Variants in CNTN5 observed in about 807,000 individuals in gnomAD.
The protein encoded by CNTN5 is contactin 5, also known as contactin-5.
In CNTN5, 77 loss-of-function variants were observed where a neutral mutation model predicts 129.1. That is an observed-to-expected ratio of 0.60 (90% CI 0.50 to 0.72). CNTN5 has a LOEUF of 0.72. CNTN5 is among the 30% of genes least tolerant of loss of function. The probability of loss-of-function intolerance (pLI) is 0.00; values close to 1 mark genes in which losing one functional copy is unlikely to be tolerated. For synonymous variants in CNTN5, 509 were observed against 465.6 expected, an observed-to-expected ratio of 1.09 and a Z score of -1.20; for missense variants, 1,478 against 1,328.8, an observed-to-expected ratio of 1.11 and a Z score of -1.75.
At chr11:100,044,099 T>TACACACAC (rs146072594) in intron 9 of CNTN5, among the ~76,000 whole-genome samples, 8 of 140,980 alleles carry the variant, frequency 5.7e-5, no homozygotes, top group African/African-American at 2.1e-4. Flanking sequence ...AGTGTATATA[T>TACACACAC]ACACACACAC....
At chr11:100,025,364 G>A (rs1941365214) in intron 9 of CNTN5, among the ~76,000 whole-genome samples, 1 of 152,246 alleles carries the variant, frequency 6.6e-6, no homozygotes, top group African/African-American at 2.4e-5. Context: ...TGTCCAGGCA[G>A]AGGTGTGCTG....
intron 3 of CNTN5, among the ~76,000 whole-genome samples, chr11:99,793,469 C>T (rs778732232): frequency 2.0e-5 from 3 of 152,106 alleles, no homozygotes; most frequent in African/African-American, 7.2e-5. Context: ...TCTTGTCTTC[C>T]GCTAGATTTG....
At chr11:99,704,909 G>T (rs974556569) in intron 3 of CNTN5, among the ~76,000 whole-genome samples, 4 of 151,056 alleles carry the variant, frequency 2.6e-5, no homozygotes, top group African/African-American at 9.7e-5. Flanking sequence ...TTTTTATGTT[G>T]CCCGGGAATT....
chr11:99,581,934 A>G (rs1279763233), intron 3 of CNTN5, among the ~76,000 whole-genome samples: 1 of 152,014 alleles, frequency 6.6e-6, no homozygotes, highest in Non-Finnish European at 1.5e-5. Flanking sequence ...TGGTCTTTAC[A>G]ATTTGGCATG....
At chr11:99,174,572 A>G (rs966440539) in intron 1 of CNTN5, among the ~76,000 whole-genome samples, 1 of 152,150 alleles carries the variant, frequency 6.6e-6, no homozygotes, top group African/African-American at 2.4e-5. Context: ...CATGGAGGAC[A>G]GTACAAAGTC....
At chr11:100,305,766 G>A (rs973895544) in intron 20 of CNTN5, among the ~76,000 whole-genome samples, 8 of 151,386 alleles carry the variant, frequency 5.3e-5, no homozygotes, top group African/African-American at 1.9e-4. Context: ...AAAATTTCTG[G>A]GAAAATCTGA....
At chr11:99,931,929 T>A (rs1173420640) in intron 7 of CNTN5, among the ~76,000 whole-genome samples, 2 of 152,214 alleles carry the variant, frequency 1.3e-5, no homozygotes, top group East Asian at 3.9e-4. Flanking sequence ...TGATGATATA[T>A]TTTTCATATG....
At chr11:99,887,490 C>T (rs1285010335) in intron 6 of CNTN5, among the ~76,000 whole-genome samples, 2 of 152,182 alleles carry the variant, frequency 1.3e-5, no homozygotes, top group African/African-American at 4.8e-5. Flanking sequence ...AGGGACAGAA[C>T]TTATAGGATA....
intron 3 of CNTN5, among the ~76,000 whole-genome samples, chr11:99,757,343 T>C (rs1212280192): frequency 2.0e-5 from 3 of 151,714 alleles, no homozygotes; most frequent in Non-Finnish European, 4.4e-5. Flanking sequence ...ATTCTATTTA[T>C]AAAGACCTCT....
At chr11:99,642,994 T>C (rs149403868) in intron 3 of CNTN5, among the ~76,000 whole-genome samples, 3 of 152,218 alleles carry the variant, frequency 2.0e-5, no homozygotes, top group African/African-American at 4.8e-5. Context: ...ATTTACCTGA[T>C]TGATATATAT....
chr11:99,424,770 A>T (rs1943047088), intron 2 of CNTN5, among the ~76,000 whole-genome samples: 1 of 152,238 alleles, frequency 6.6e-6, no homozygotes, highest in Non-Finnish European at 1.5e-5. Flanking sequence ...CATGGTAAGC[A>T]GGGACATGTT....
At chr11:100,174,328 A>G (rs951622188) in intron 13 of CNTN5, among the ~76,000 whole-genome samples, 1 of 152,140 alleles carries the variant, frequency 6.6e-6, no homozygotes, top group African/African-American at 2.4e-5. Flanking sequence ...CTGAGCTTTA[A>G]AAAAGAAATA....
At chr11:99,141,410 A>G (rs1455019661) in intron 1 of CNTN5, among the ~76,000 whole-genome samples, 3 of 151,388 alleles carry the variant, frequency 2.0e-5, no homozygotes, top group Non-Finnish European at 4.4e-5. Context: ...TCTTCTTTGT[A>G]TTTTTATTAG....
At chr11:99,964,154 C>T (rs28892392) in intron 8 of CNTN5, among the ~76,000 whole-genome samples, 8,575 of 152,174 alleles carry the variant, frequency 0.056, 270 homozygotes, top group Non-Finnish European at 0.076. Context: ...CCCTTTATTT[C>T]CTTCTCCTGC....
At chr11:99,585,802 C>T (rs1022183660) in intron 3 of CNTN5, among the ~76,000 whole-genome samples, 1 of 152,098 alleles carries the variant, frequency 6.6e-6, no homozygotes, top group African/African-American at 2.4e-5. Flanking sequence ...GAGATAATAT[C>T]TGAAACATTT....
At chr11:100,182,645 G>A (rs538384708) in intron 13 of CNTN5, among the ~76,000 whole-genome samples, 5 of 152,118 alleles carry the variant, frequency 3.3e-5, no homozygotes, top group Admixed American at 1.3e-4. Context: ...CAAACAAAAA[G>A]TGATTCAAAG....
intron 2 of CNTN5, among the ~76,000 whole-genome samples, chr11:99,399,701 A>G (rs1254341543): frequency 1.3e-5 from 2 of 151,900 alleles, no homozygotes; most frequent in Non-Finnish European, 2.9e-5. Context: ...TACACCAAAG[A>G]TTATTGCTTA....
chr11:100,342,585 C>T (rs987038676), intron 23 of CNTN5, among the ~76,000 whole-genome samples: 1 of 151,992 alleles, frequency 6.6e-6, no homozygotes, highest in Non-Finnish European at 1.5e-5. Flanking sequence ...AGGCTAGGTG[C>T]CACTACTCTT....
chr11:99,482,990 A>G (rs1945659993), intron 2 of CNTN5, among the ~76,000 whole-genome samples: 1 of 151,934 alleles, frequency 6.6e-6, no homozygotes, highest in Non-Finnish European at 1.5e-5. Flanking sequence ...CTTGGCCAAT[A>G]TGGTTAAAGC....
Sources: gnomAD v4.1 joint callset for allele counts (sites outside exome capture counted in the v4.1 genomes callset) on GRCh38, gnomAD v4.1.1 for gene constraint, MANE v1.5 for transcripts, NCBI Gene and HGNC (gene_info 2026-07-23, HGNC 2026-07-21) for gene names.